The following LRMDA variants were observed in gnomAD, a reference collection of about 807,000 sequenced individuals.
The protein encoded by LRMDA is leucine rich melanocyte differentiation associated.
A neutral mutation model predicts 29.8 loss-of-function variants in LRMDA; 18 were observed. The observed-to-expected ratio is 0.60, with a 90% CI of 0.42 to 0.90. The LOEUF (loss-of-function observed/expected upper bound fraction) is 0.90. Ranked by LOEUF, LRMDA falls within the 40% of genes least tolerant of loss-of-function variation. The probability of loss-of-function intolerance (pLI) is 0.00; values close to 1 mark genes in which losing one functional copy is unlikely to be tolerated. For missense variants in LRMDA, 273 were observed against 273.9 expected, an observed-to-expected ratio of 1.00 and a Z score of 0.02; for synonymous variants, 125 against 109.4, an observed-to-expected ratio of 1.14 and a Z score of -0.89.
intron 2 of LRMDA, among the ~76,000 whole-genome samples, chr10:75,567,086 G>T (rs1840381597): frequency 6.6e-6 from 1 of 152,112 alleles, no homozygotes; most frequent in Non-Finnish European, 1.5e-5. Context: ...CTAAGAGCCT[G>T]ATCATTGTAA....
intron 2 of LRMDA, among the ~76,000 whole-genome samples, chr10:75,892,147 A>G (rs1845501914): frequency 6.6e-6 from 1 of 152,208 alleles, no homozygotes; most frequent in South Asian, 2.1e-4. Context: ...CTCTGATTCC[A>G]TATAGTGCGC....
chr10:76,330,749 G>A (rs1840894766), intron 6 of LRMDA, among the ~76,000 whole-genome samples: 1 of 152,180 alleles, frequency 6.6e-6, no homozygotes, highest in Non-Finnish European at 1.5e-5. Flanking sequence ...CCTGTCAGAG[G>A]CAGTATGTCT....
intron 2 of LRMDA, among the ~76,000 whole-genome samples, chr10:75,528,012 C>T (rs909239481): frequency 7.2e-5 from 11 of 151,920 alleles, no homozygotes; most frequent in African/African-American, 4.8e-5. Flanking sequence ...TCTTGAACTC[C>T]TGAGCTCAAG....
Position 75,895,370 on chromosome 10 carries a change from C to T in LRMDA, c.132-140638C>T, listed in dbSNP as rs372152982. Among the ~76,000 whole-genome samples the T allele has an allele frequency of 2.2e-4, 33 of 152,312 alleles. No individual in the cohort carries two copies. The South Asian group carries it at 6.0e-3, about 28-fold the overall frequency. Reference sequence around the variant, plus strand: ...TTGAGCCCTCACTATATGCCATGTGCTGTCCTTTACATCTATCATCTTCAC... The same window carrying T: ...TTGAGCCCTCACTATATGCCATGTGTTGTCCTTTACATCTATCATCTTCAC... On this transcript the variant is annotated intron_variant, in intron 2 of 6. Transcript: ENST00000611255.
At chr10:75,608,129 T>TATATATATATACACACACAC (rs11271217) in intron 2 of LRMDA, among the ~76,000 whole-genome samples, 4 of 89,548 alleles carry the variant, frequency 4.5e-5, no homozygotes, top group African/African-American at 1.3e-4. Context: ...TATATATATA[T>TATATATATATACACACACAC]ACACACACAT....
intron 6 of LRMDA, among the ~76,000 whole-genome samples, chr10:76,412,738 CT>C (rs1841975951): frequency 6.6e-6 from 1 of 152,150 alleles, no homozygotes; most frequent in South Asian, 2.1e-4. Context: ...TGTGATGCCC[CT>C]ATGCCCACAA....
chr10:75,640,603 A>G (rs959516271), intron 2 of LRMDA, among the ~76,000 whole-genome samples: 2 of 152,072 alleles, frequency 1.3e-5, no homozygotes, highest in Admixed American at 6.5e-5. Context: ...TGCAGGGGGG[A>G]AAATAAATCA....
At chr10:75,578,031 C>T (rs185229303) in intron 2 of LRMDA, among the ~76,000 whole-genome samples, 99 of 151,906 alleles carry the variant, frequency 6.5e-4, no homozygotes, top group African/African-American at 2.3e-3. Context: ...CAGTTTCACA[C>T]ATAACAATAT....
At chr10:75,451,871 C>T (rs1844466022) in intron 2 of LRMDA, 1 of 123,094 alleles carries the variant, frequency 8.1e-6, no homozygotes, top group African/African-American at 2.8e-5. Flanking sequence ...AGCTATTGCT[C>T]TGGTAAAAAA....
chr10:75,653,817 G>A (rs1841632452), intron 2 of LRMDA, among the ~76,000 whole-genome samples: 1 of 152,206 alleles, frequency 6.6e-6, no homozygotes, highest in Non-Finnish European at 1.5e-5. Context: ...ACCTGTGTTT[G>A]TACATCAGTT....
At chr10:76,237,729 GC>G (rs2132279964) in intron 5 of LRMDA, among the ~76,000 whole-genome samples, 1 of 147,742 alleles carries the variant, frequency 6.8e-6, no homozygotes, top group East Asian at 2.1e-4. Flanking sequence ...CTCCAGGGAA[GC>G]TTCCTGTGAT....
intron 5 of LRMDA, among the ~76,000 whole-genome samples, chr10:76,148,001 A>C (rs927099635): frequency 7.9e-5 from 12 of 152,104 alleles, no homozygotes; most frequent in African/African-American, 2.9e-4. Flanking sequence ...AGAACAGCGG[A>C]TATTGGTGAA....
At chr10:75,785,999 A>G (rs1022055826) in intron 2 of LRMDA, among the ~76,000 whole-genome samples, 3 of 152,158 alleles carry the variant, frequency 2.0e-5, no homozygotes, top group African/African-American at 4.8e-5. Flanking sequence ...TCACAAACAA[A>G]TATTTATCGG....
chr10:76,291,038 T>G (rs1461605379), intron 5 of LRMDA, among the ~76,000 whole-genome samples: 1 of 152,160 alleles, frequency 6.6e-6, no homozygotes, highest in Non-Finnish European at 1.5e-5. Flanking sequence ...ATGACGGGTT[T>G]TGGGAGCACT....
intron 2 of LRMDA, among the ~76,000 whole-genome samples, chr10:75,694,888 A>C (rs192429695): frequency 4.6e-5 from 7 of 152,336 alleles, no homozygotes; most frequent in African/African-American, 1.7e-4. Context: ...ATTGATCTGC[A>C]TGTAAATTCC....
rs756703793 is a variant in LRMDA, at chr10:76,190,780, A to G, written c.516+131997A>G. 3.3e-4 allele frequency among the ~76,000 whole-genome samples: 51 copies of G among 152,344 alleles called. 1 individual carries two copies. Among genetic ancestry groups the G allele is most frequent in the Non-Finnish European group, 7.1e-4 (48 of 68,032 alleles). On this transcript the variant is annotated intron_variant, in intron 5 of 6. Transcript: ENST00000611255. ...CAGGTGACCTCTATTTGGAATTGTC[A>G]ACAAACATTAATAGGCCTTCCAAAA...
intron 2 of LRMDA, among the ~76,000 whole-genome samples, chr10:75,589,672 G>A (rs1408405818): frequency 6.6e-6 from 1 of 152,066 alleles, no homozygotes; most frequent in African/African-American, 2.4e-5. Context: ...GCTGAGGTGG[G>A]AGGATCTCTT....
intron 2 of LRMDA, among the ~76,000 whole-genome samples, chr10:75,572,458 A>T (rs1189385257): frequency 6.6e-6 from 1 of 152,042 alleles, no homozygotes; most frequent in East Asian, 1.9e-4. Flanking sequence ...ACCACATAGG[A>T]GAGAGTGCTC....
At chr10:75,826,542 T>G (rs777522876) in intron 2 of LRMDA, among the ~76,000 whole-genome samples, 6 of 152,214 alleles carry the variant, frequency 3.9e-5, no homozygotes, top group Non-Finnish European at 7.3e-5. Flanking sequence ...CCTGTGGAGC[T>G]CTTTCTTTTA....
Sources: allele counts gnomAD v4.1 joint callset (sites outside exome capture counted in the v4.1 genomes callset), GRCh38; gene constraint gnomAD v4.1.1; transcripts MANE v1.5; gene names NCBI Gene and HGNC (gene_info 2026-07-23, HGNC 2026-07-21).